The following RADX variants were observed in gnomAD, a reference collection of about 807,000 sequenced individuals.
RADX encodes the protein RPA1 related single stranded DNA binding protein, X-linked.
RADX carries 36 observed loss-of-function variants against 61.6 expected under a neutral mutation model. The ratio of observed to expected loss-of-function variants is 0.58; its 90% CI spans 0.45 to 0.77. RADX has a LOEUF of 0.77. Among genes scored for constraint, RADX ranks in the 30% least tolerant of loss-of-function variants. The pLI, the probability that RADX is intolerant of heterozygous loss-of-function variation, is 0.00. For missense variants in RADX, 497 were observed against 651.1 expected (o/e 0.76, Z 2.58); for synonymous variants, 272 against 237.9 (o/e 1.14, Z -1.32).
intron 11 of RADX, among the ~76,000 whole-genome samples, chrX:106,657,888 C>T (rs915903921): frequency 3.6e-5 from 4 of 111,340 alleles, no homozygotes; most frequent in Admixed American, 1.9e-4. Context: ...ATTACCAAAA[C>T]GTGACGCAGA....
intron 13 of RADX, among the ~76,000 whole-genome samples, chrX:106,674,037 G>T (rs886599165): frequency 3.6e-5 from 4 of 111,047 alleles, no homozygotes; most frequent in African/African-American, 1.3e-4. Flanking sequence ...CACCGGGGTG[G>T]GGGGTGGTAT....
At chrX:106,620,602 A>T (rs1169955653) in intron 1 of RADX, among the ~76,000 whole-genome samples, 1 of 110,477 alleles carries the variant, frequency 9.1e-6, no homozygotes, top group African/African-American at 3.3e-5. Context: ...TAAACCCGGG[A>T]GGTGGAGGTT....
intron 3 of RADX, among the ~76,000 whole-genome samples, chrX:106,629,850 A>C (rs1927169511): frequency 8.9e-6 from 1 of 111,962 alleles, no homozygotes; most frequent in African/African-American, 3.2e-5. Context: ...TACTGTGACT[A>C]GGTTGCATTT....
chrX:106,662,924 G>GT (rs5903285), intron 12 of RADX, among the ~76,000 whole-genome samples: 211 of 101,750 alleles, frequency 2.1e-3, no homozygotes, highest in East Asian at 7.4e-3. Context: ...TTAAAACTTA[G>GT]TTTTTTTTTT....
chrX:106,623,708 G>GTA (rs758169069), intron 2 of RADX, among the ~76,000 whole-genome samples: 1 of 111,022 alleles, frequency 9.0e-6, no homozygotes, highest in South Asian at 3.8e-4. Flanking sequence ...ATGTGAGTGT[G>GTA]TATATCATAT....
chrX:106,625,001 C>A, intron 2 of RADX, 89 bp from the exon 3 acceptor site: 1 of 539,299 alleles, frequency 1.9e-6, no homozygotes, highest in Non-Finnish European at 2.8e-6. Context: ...TTTTCCATCA[C>A]TCTAAATGAT....
chrX:106,653,192 G>A (rs761351327), intron 11 of RADX, among the ~76,000 whole-genome samples: 9 of 111,164 alleles, frequency 8.1e-5, no homozygotes, highest in African/African-American at 2.9e-4. Context: ...TCTAAGTAAA[G>A]GAAGATAAAG....
Position 106,662,088 on chromosome X carries a change from G to A in RADX, c.2052G>A (p.Leu684=). The A allele has an allele frequency of 3.3e-6, 4 of 1,209,865 alleles. No individual in the cohort carries two copies. Among genetic ancestry groups the A allele is most frequent in the Non-Finnish European group, 3.4e-6 (3 of 894,079 alleles). Residue 684 remains leucine, a synonymous_variant, in exon 12 of 14, where the codon CTG becomes CTA. Coordinates refer to ENST00000372548, the MANE Select transcript of RADX (RefSeq NM_018015.6). ...KTISDRWESQ[L]WREKKFGLID... ...TAAGTGATAGGTGGGAGAGTCAGCT[G>A]TGGAGAGAGAAAAAGTTTGGCTTAA...
rs763348053 is a variant in RADX at position 106,640,632 on chromosome X, G to C, written c.1815G>C (p.Glu605Asp). The change falls in exon 10 of 14, where the codon GAG (glutamate) becomes GAC (aspartate). Residue 605 changes from glutamate to aspartate, a missense_variant. Physicochemically the swap from Glu to Asp is conservative, Grantham distance 45 (BLOSUM62 2). Around this residue, in one of 3 missense-constraint regions of RADX, gnomAD observed 267 missense variants for 306.9 expected, o/e 0.87. Transcript: ENST00000372548. The stretch of plus-strand genomic sequence containing the variant: ...ATGGTAAACGGCATCAAGATGATGA[G>C]CCTGTGAATTCTCAGTATTTCCAAA... ...ERNGKRHQDD[E>D]PVNSQYFQTT... The C allele has an allele frequency of 8.4e-7, 1 of 1,192,017 alleles. No individual in the cohort carries two copies. The highest frequency in any genetic ancestry group is 1.8e-5 in the South Asian group (1 of 55,622).
At chrX:106,655,160 T>G (rs771790683) in intron 11 of RADX, among the ~76,000 whole-genome samples, 4 of 111,280 alleles carry the variant, frequency 3.6e-5, no homozygotes, top group African/African-American at 6.5e-5. Context: ...TATCATTATA[T>G]CCAAAAATGT....
intron 3 of RADX, among the ~76,000 whole-genome samples, 165 bp from the exon 4 acceptor site, chrX:106,632,460 G>A (rs1418647528): frequency 9.0e-6 from 1 of 111,671 alleles, no homozygotes; most frequent in Non-Finnish European, 1.9e-5. Flanking sequence ...GGAGAGATAA[G>A]TGGATGTGAT....
At chrX:106,647,669 T>C (rs1325904360) in intron 10 of RADX, among the ~76,000 whole-genome samples, 1 of 111,447 alleles carries the variant, frequency 9.0e-6, no homozygotes, top group East Asian at 2.8e-4. Context: ...TGCCTGTCTT[T>C]TGGATTTAAG....
intron 11 of RADX, among the ~76,000 whole-genome samples, chrX:106,659,936 G>A (rs1309901331): frequency 9.0e-6 from 1 of 111,669 alleles, no homozygotes; most frequent in Non-Finnish European, 1.9e-5. Context: ...TCATATAATT[G>A]TTTTCTATAA....
At chrX:106,626,750 C>T (rs1366171506) in intron 3 of RADX, among the ~76,000 whole-genome samples, 5 of 111,855 alleles carry the variant, frequency 4.5e-5, no homozygotes, top group South Asian at 7.4e-4. Context: ...GTAATGTTAG[C>T]GTTGGTGATA....
In RADX at chrX:106,662,156, C is replaced by A; in HGVS notation, c.2120C>A (p.Pro707Gln). ...HYSRVYPESI[P>Q]RKFMFEHRKF... is the part of the protein sequence containing the mutation. ...AGCCGTGTTTATCCTGAAAGTATTC[C>A]ACGGAAATTTATGTTTGAACACAGA... The change falls in exon 12 of 14, where the codon CCA becomes CAA. Residue 707 changes from proline (P) to glutamine (Q), a missense_variant. Physicochemically the swap from Pro to Gln is moderately conservative, Grantham distance 76 (BLOSUM62 -1). Coordinates refer to ENST00000372548, the MANE Select transcript of RADX (RefSeq NM_018015.6). 2.5e-6 allele frequency: 3 copies of A among 1,210,518 alleles called. No individual in the cohort carries two copies. The highest frequency in any genetic ancestry group is 3.4e-6 in the Non-Finnish European group (3 of 895,091).
In RADX at chrX:106,678,660, G is replaced by A. The variant is rs1928569739; in HGVS notation, c.*402G>A. ...CTTCCAATTTTATTCACATATAATG[G>A]GAAATTTTGAATTGCCAGTTTGAAG... On this transcript the variant is annotated 3_prime_UTR_variant, in exon 14 of 14. Transcript: ENST00000372548. 1 of 114,858 alleles carries A rather than the reference G, an allele frequency of 8.7e-6. No individual in the cohort carries two copies. The highest frequency in any genetic ancestry group is 2.7e-4 in the East Asian group (1 of 3,742). 9.5% of individuals were successfully genotyped at this position (114,858 alleles called of 1,213,427 possible).
chrX:106,661,422 T>G (rs1344374968), intron 11 of RADX, among the ~76,000 whole-genome samples: 11 of 105,120 alleles, frequency 1.0e-4, no homozygotes, highest in African/African-American at 3.1e-4. Flanking sequence ...GTGACAGGTC[T>G]CTCTATGTTA....
rs1485517032 is a variant in RADX at position 106,637,875 on chromosome X, CT to C, written c.1525del (p.Tyr509IlefsTer21). On this transcript the variant is annotated frameshift_variant, in exon 8 of 14. Transcript: ENST00000372548. LOFTEE classifies it high-confidence loss of function. Reference sequence around the variant, plus strand: ...ATATGGTTATTGGTGGATATTACCCCTATCCACCAGTGCCAGAGACATTTTC... The same window carrying C: ...ATATGGTTATTGGTGGATATTACCCCATCCACCAGTGCCAGAGACATTTTC... The part of the protein sequence containing the change: ...KNMVIGGYYP[Y>X]PPVPETFSKY... The C allele has an allele frequency of 1.7e-6, 2 of 1,202,195 alleles. No individual in the cohort carries two copies. Among genetic ancestry groups the C allele is most frequent in the Non-Finnish European group, 2.3e-6 (2 of 886,855 alleles).
In RADX at chrX:106,647,037, T is replaced by C. The variant is rs769666939; in HGVS notation, c.1905-1276T>C. ...TTTAAAATGTACAGTGAAGTTATTA[T>C]GGACTATAGTCACCCTGTTGTGCTA... is the stretch of plus-strand genomic sequence containing the variant. On this transcript the variant is annotated intron_variant, in intron 10 of 13. Transcript: ENST00000372548. Among the ~76,000 whole-genome samples, 8 of 110,651 alleles carry C rather than the reference T, an allele frequency of 7.2e-5. No individual in the cohort carries two copies. The East Asian group carries it at 2.3e-3, about 32-fold the overall frequency.
Sources: gnomAD v4.1 joint callset for allele counts (sites outside exome capture counted in the v4.1 genomes callset) on GRCh38, gnomAD v4.1.1 for gene constraint, gnomAD v4.1.1 regional missense constraint, MANE v1.5 for transcripts, NCBI Gene and HGNC (gene_info 2026-07-23, HGNC 2026-07-21) for gene names.